TNRC6C: variants seen among roughly 807,000 people sequenced by gnomAD.
The protein encoded by TNRC6C is trinucleotide repeat containing adaptor 6C.
Under a neutral mutation model 153.7 loss-of-function variants are expected in TNRC6C, and 20 were observed. That is an observed-to-expected ratio of 0.13 (90% CI 0.09 to 0.19). The LOEUF (loss-of-function observed/expected upper bound fraction) is 0.19, where lower values mean the gene tolerates loss of function less well. Among genes scored for constraint, TNRC6C ranks in the 10% least tolerant of loss-of-function variants. TNRC6C has a pLI of 1.00. For synonymous variants in TNRC6C, 811 were observed against 841.4 expected (o/e 0.96, Z 0.63); for missense variants, 1,987 against 2,172.0 (o/e 0.91, Z 1.69).
intron 1 of TNRC6C, among the ~76,000 whole-genome samples, chr17:77,983,542 G>A (rs1376521883): frequency 6.6e-6 from 1 of 152,052 alleles, no homozygotes; most frequent in Admixed American, 6.6e-5. Flanking sequence ...CAGGTCTGTT[G>A]AGGAGTCACA....
intron 3 of TNRC6C, among the ~76,000 whole-genome samples, chr17:78,062,937 A>G (rs991846708): frequency 3.7e-4 from 56 of 152,314 alleles, no homozygotes; most frequent in Admixed American, 7.8e-4. Flanking sequence ...GCTAGAGAAC[A>G]GAAGACATTA....
At chr17:78,088,608 C>CT (rs1275672748) in intron 13 of TNRC6C, among the ~76,000 whole-genome samples, 1 of 150,794 alleles carries the variant, frequency 6.6e-6, no homozygotes, top group Non-Finnish European at 1.5e-5. Context: ...GTAAAGTTCT[C>CT]TTTTTTCTTT....
intron 1 of TNRC6C, among the ~76,000 whole-genome samples, chr17:77,991,574 T>C (rs887096678): frequency 6.6e-6 from 1 of 152,158 alleles, no homozygotes; most frequent in Non-Finnish European, 1.5e-5. Context: ...CTCTTTTCCT[T>C]CCTCTAGTGA....
intron 6 of TNRC6C, 68 bp downstream of exon 8, chr17:78,071,233 C>T: frequency 6.8e-7 from 1 of 1,468,468 alleles, no homozygotes; most frequent in Non-Finnish European, 9.3e-7. Context: ...ATTGTTTCCT[C>T]TCCATGTTTG....
At chr17:78,101,335 C>A (rs890393832) in intron 17 of TNRC6C, among the ~76,000 whole-genome samples, 2 of 152,170 alleles carry the variant, frequency 1.3e-5, no homozygotes, top group African/African-American at 2.4e-5. Flanking sequence ...GCAGCCTGGA[C>A]TTTATTGTCC....
Position 78,062,210 on chromosome 17 carries a change from C to T in TNRC6C, c.2396-2512C>T, listed in dbSNP as rs367722614. 2.3e-4 allele frequency among the ~76,000 whole-genome samples: 35 copies of T among 152,156 alleles called. No individual in the cohort carries two copies. The East Asian group carries it at 5.0e-3, about 22-fold the overall frequency. On this transcript the variant is annotated intron_variant, in intron 3 of 19. Coordinates refer to ENST00000301624, the Ensembl canonical transcript of TNRC6C. ...TAATATTATAGTTAGCAATTGCTGG[C>T]GATAACTGGTTAGGACTAACTCCCC...
At chr17:78,071,596 C>T (rs907712125) in intron 6 of TNRC6C, among the ~76,000 whole-genome samples, 15 of 152,158 alleles carry the variant, frequency 9.9e-5, no homozygotes, top group Non-Finnish European at 1.5e-4. Context: ...CTGTGTTGGC[C>T]AGGCTGGTCT....
chr17:78,029,348 T>C (rs986715200), intron 1 of TNRC6C, among the ~76,000 whole-genome samples: 5 of 152,262 alleles, frequency 3.3e-5, no homozygotes, highest in African/African-American at 1.2e-4. Flanking sequence ...TAGAACCTTT[T>C]GCTCCTAGGC....
intron 1 of TNRC6C, among the ~76,000 whole-genome samples, chr17:78,019,727 TAAAG>T (rs996513973): frequency 7.9e-5 from 12 of 152,286 alleles, no homozygotes; most frequent in East Asian, 3.9e-4. Context: ...TGAAAAATCA[TAAAG>T]AAACTAAAGT....
chr17:78,104,736 C>G lies in TNRC6C; in HGVS notation c.4964C>G (p.Ser1655Cys). The change falls in exon 20 of 20, where the codon TCC becomes TGC. Residue 1655 changes from serine to cysteine, a missense_variant. Coordinates refer to ENST00000301624, the Ensembl canonical transcript of TNRC6C. This position sits in a 1 kb window ranked among gnomAD's most constrained non-coding sequence, Gnocchi z 6.2. ...CTGTGGGGCGGGGTGCCCCAGTACT[C>G]CAGCAGCCTGTGGGGCCCGCCCAGC... 1 of 1,522,678 alleles carries G rather than the reference C, an allele frequency of 6.6e-7. No individual in the cohort carries two copies. The highest frequency in any genetic ancestry group is 8.8e-7 in the Non-Finnish European group (1 of 1,137,312). The allele number at this position is 1,522,678 out of a possible 1,614,324, so 94.3% of individuals were successfully genotyped here. A position where few individuals can be genotyped will look rare whatever the true frequency, so the allele number is the denominator to read the frequency against.
At chr17:78,096,822 CA>C (rs1388793948) in intron 16 of TNRC6C, among the ~76,000 whole-genome samples, 3 of 152,168 alleles carry the variant, frequency 2.0e-5, no homozygotes. Flanking sequence ...GCTTTCTTCA[CA>C]GAATTGAAAG....
intron 1 of TNRC6C, among the ~76,000 whole-genome samples, chr17:77,983,399 C>CAA: frequency 6.6e-6 from 1 of 152,250 alleles, no homozygotes; most frequent in South Asian, 2.1e-4. Flanking sequence ...ATTACCAAGG[C>CAA]AAAATGGGGT....
At chr17:78,033,625 C>T (rs903114259) in intron 2 of TNRC6C, among the ~76,000 whole-genome samples, 5 of 151,592 alleles carry the variant, frequency 3.3e-5, no homozygotes, top group African/African-American at 4.9e-5. Flanking sequence ...GCCGAGATCA[C>T]GCCATTGCAC....
At chr17:77,992,718 C>T (rs1041571007) in intron 1 of TNRC6C, among the ~76,000 whole-genome samples, 2 of 152,166 alleles carry the variant, frequency 1.3e-5, no homozygotes, top group African/African-American at 2.4e-5. Flanking sequence ...TGCATGACTA[C>T]GTCGCCTGTG....
intron 1 of TNRC6C, among the ~76,000 whole-genome samples, chr17:77,988,238 C>A (rs1278952590): frequency 6.6e-6 from 1 of 152,078 alleles, no homozygotes; most frequent in Non-Finnish European, 1.5e-5. Flanking sequence ...AAAAACTTAG[C>A]TGGGTGTGGT....
intron 17 of TNRC6C, among the ~76,000 whole-genome samples, chr17:78,100,759 A>G (rs2073576608): frequency 6.7e-6 from 1 of 148,874 alleles, no homozygotes; most frequent in African/African-American, 2.5e-5. Flanking sequence ...TTCCTCAGAA[A>G]ATGGGATTTC....
At chr17:78,011,412 T>G (rs1440071881) in intron 1 of TNRC6C, among the ~76,000 whole-genome samples, 1 of 152,242 alleles carries the variant, frequency 6.6e-6, no homozygotes, top group African/African-American at 2.4e-5. Context: ...TTTTTATTTC[T>G]AGAACATTGT....
exon 20 of TNRC6C, chr17:78,108,308 G>C (rs1261556094): frequency 6.5e-6 from 1 of 154,542 alleles, no homozygotes; most frequent in Non-Finnish European, 1.5e-5. Flanking sequence ...TACTCTTTTG[G>C]AAATTGAGAA....
At chr17:78,074,531 T>G (rs890686540) in intron 7 of TNRC6C, among the ~76,000 whole-genome samples, 7 of 151,654 alleles carry the variant, frequency 4.6e-5, no homozygotes, top group South Asian at 4.2e-4. Flanking sequence ...AACTGTGGAG[T>G]AGGACAGAGT....
Sources: allele counts gnomAD v4.1 joint callset (sites outside exome capture counted in the v4.1 genomes callset), GRCh38; gene constraint gnomAD v4.1.1; non-coding constraint Gnocchi (gnomAD v3.1); transcripts MANE v1.5; gene names NCBI Gene and HGNC (gene_info 2026-07-23, HGNC 2026-07-21).